TNNI3K: variants seen among roughly 807,000 people sequenced by gnomAD.
TNNI3K encodes TNNI3 interacting kinase.
Under a neutral mutation model 114.5 loss-of-function variants are expected in TNNI3K, and 140 were observed. The ratio of observed to expected loss-of-function variants is 1.22; its 90% CI spans 1.07 to 1.41. The LOEUF (loss-of-function observed/expected upper bound fraction) is 1.41. TNNI3K is among the 40% of genes most tolerant of loss of function. The pLI is 0.00. For synonymous variants in TNNI3K, 347 were observed against 347.5 expected, an observed-to-expected ratio of 1.00 and a Z score of 0.02; for missense variants, 1,125 against 1,007.6, an observed-to-expected ratio of 1.12 and a Z score of -1.58.
At chr1:74,284,000 T>C (rs1356876449) in intron 5 of TNNI3K, among the ~76,000 whole-genome samples, 1 of 152,168 alleles carries the variant, frequency 6.6e-6, no homozygotes, top group Non-Finnish European at 1.5e-5. Flanking sequence ...TCAGAATTTC[T>C]ATAGCTTGTT....
chr1:74,370,705 TA>T, intron 17 of TNNI3K: 1 of 190,822 alleles, frequency 5.2e-6, no homozygotes, highest in Non-Finnish European at 1.1e-5. Flanking sequence ...AAATGGCTAT[TA>T]AAAAAATGAT....
Position 74,367,963 on chromosome 1 carries a change from AG to A in TNNI3K, c.1321+1del. Reference sequence around the variant, plus strand: ...TGGGGAAGATTAAAAGCATGACAAAAGGTACCTATAATCTGGGACAATTGTT... The same window carrying A: ...TGGGGAAGATTAAAAGCATGACAAAAGTACCTATAATCTGGGACAATTGTT... ...PLGKIKSMTKEKADILLLRAG... is the reference protein window; with the variant it reads ...PLGKIKSMTKXKADILLLRAG... On this transcript the variant is annotated frameshift_variant and splice_region_variant, in exon 13 of 25. Coordinates refer to ENST00000326637, the MANE Select transcript of TNNI3K (RefSeq NM_015978.3). LOFTEE classifies it high-confidence loss of function. 6.4e-7 allele frequency: 1 copy of A among 1,562,546 alleles called. No individual in the cohort carries two copies. Among genetic ancestry groups the A allele is most frequent in the East Asian group, 2.4e-5 (1 of 41,844 alleles).
At chr1:74,359,894 TTCTC>T (rs1661864670) in intron 11 of TNNI3K, among the ~76,000 whole-genome samples, 1 of 151,856 alleles carries the variant, frequency 6.6e-6, no homozygotes. Context: ...GTCCTCATGA[TTCTC>T]TTTCTTGTAC....
chr1:74,406,568 CTA>C (rs954091694), intron 17 of TNNI3K, among the ~76,000 whole-genome samples: 17 of 152,114 alleles, frequency 1.1e-4, no homozygotes, highest in Non-Finnish European at 1.2e-4. Flanking sequence ...CCAGAAAGTT[CTA>C]TGTTTTTAAG....
At chr1:74,289,432 G>A (rs1657533940) in intron 5 of TNNI3K, among the ~76,000 whole-genome samples, 1 of 151,780 alleles carries the variant, frequency 6.6e-6, no homozygotes, top group South Asian at 2.1e-4. Flanking sequence ...AGAGTAATGG[G>A]GTTTAAATTT....
chr1:74,374,296 A>T (rs1239122563), intron 17 of TNNI3K: 2 of 151,948 alleles, frequency 1.3e-5, no homozygotes, highest in East Asian at 3.9e-4. Context: ...GATAATGATA[A>T]TACCTACCAT....
intron 11 of TNNI3K, among the ~76,000 whole-genome samples, chr1:74,355,067 A>G (rs1476598131): frequency 3.9e-5 from 6 of 152,212 alleles, no homozygotes; most frequent in Non-Finnish European, 8.8e-5. Context: ...GAAAGAATAT[A>G]TATTGTCTTT....
intron 17 of TNNI3K, among the ~76,000 whole-genome samples, chr1:74,383,699 G>A (rs865869108): frequency 6.6e-6 from 1 of 151,910 alleles, no homozygotes; most frequent in Non-Finnish European, 1.5e-5. Flanking sequence ...AATGACTGGG[G>A]CCTAATAAAA....
chr1:74,243,030 A>C (rs2100833151), intron 2 of TNNI3K, among the ~76,000 whole-genome samples: 1 of 152,290 alleles, frequency 6.6e-6, no homozygotes, highest in South Asian at 2.1e-4. Flanking sequence ...AAAAACAGTA[A>C]AAATAATATC....
chr1:74,244,908 T>C lies in TNNI3K; in HGVS notation c.150-4551T>C, dbSNP rs376960484. On this transcript the variant is annotated intron_variant, in intron 2 of 24. Coordinates refer to ENST00000326637, the MANE Select transcript of TNNI3K (RefSeq NM_015978.3). ...TCCTTTGCATTTTTCATTCTTTGAG[T>C]CTCTCCACTGTTGAAAATGTAGTAA... Among the ~76,000 whole-genome samples the C allele has an allele frequency of 8.5e-5, 13 of 152,138 alleles. No individual in the cohort carries two copies. The East Asian group carries it at 1.9e-3, about 23-fold the overall frequency.
chr1:74,489,313 A>G (rs553518006), intron 22 of TNNI3K, 65 bp downstream of exon 22: 1 of 1,528,686 alleles, frequency 6.5e-7, no homozygotes, highest in African/African-American at 1.4e-5. Flanking sequence ...CTGTCAGGGA[A>G]TGTAGATGAG....
At chr1:74,369,977 A>G (rs1329345248) in intron 16 of TNNI3K, 1 of 233,676 alleles carries the variant, frequency 4.3e-6, no homozygotes, top group African/African-American at 2.3e-5. Flanking sequence ...AGTAATTAGA[A>G]TGTAGTTTCA....
chr1:74,242,959 T>C (rs1190335512), intron 2 of TNNI3K, among the ~76,000 whole-genome samples: 2 of 152,124 alleles, frequency 1.3e-5, no homozygotes, highest in African/African-American at 4.8e-5. Context: ...CTTCTTCTTT[T>C]CCATCCTGTA....
At chr1:74,246,014 T>G (rs1654529088) in intron 2 of TNNI3K, among the ~76,000 whole-genome samples, 1 of 152,220 alleles carries the variant, frequency 6.6e-6, no homozygotes, top group Non-Finnish European at 1.5e-5. Context: ...CAGAATTTCA[T>G]GAAGATAGTT....
intron 17 of TNNI3K, among the ~76,000 whole-genome samples, chr1:74,384,756 ACG>A (rs1663387228): frequency 6.6e-6 from 1 of 152,130 alleles, no homozygotes; most frequent in African/African-American, 2.4e-5. Flanking sequence ...AACAGTGGCA[ACG>A]TTTCCTGAAC....
intron 17 of TNNI3K, among the ~76,000 whole-genome samples, chr1:74,395,407 C>T (rs1664025603): frequency 6.6e-6 from 1 of 152,088 alleles, no homozygotes; most frequent in African/African-American, 2.4e-5. Context: ...AGGTGGCCTG[C>T]TCTGCCCAAG....
intron 17 of TNNI3K, among the ~76,000 whole-genome samples, chr1:74,382,003 C>A (rs1663227354): frequency 6.6e-6 from 1 of 152,194 alleles, no homozygotes; most frequent in Admixed American, 6.5e-5. Flanking sequence ...TGTGGTTAGG[C>A]ACCTTTTCTT....
chr1:74,270,564 C>G (rs1656280979), intron 4 of TNNI3K, among the ~76,000 whole-genome samples: 1 of 151,656 alleles, frequency 6.6e-6, no homozygotes, highest in Non-Finnish European at 1.5e-5. Context: ...AAAGTTTTTT[C>G]ATTTTTTAGA....
intron 20 of TNNI3K, among the ~76,000 whole-genome samples, chr1:74,447,169 A>T (rs1487884748): frequency 6.6e-6 from 1 of 151,366 alleles, no homozygotes; most frequent in African/African-American, 2.4e-5. Flanking sequence ...CTTCCTACCC[A>T]TGAGCATGGA....
Sources: gnomAD v4.1 joint callset for allele counts (sites outside exome capture counted in the v4.1 genomes callset) on GRCh38, gnomAD v4.1.1 for gene constraint, MANE v1.5 for transcripts, NCBI Gene and HGNC (gene_info 2026-07-23, HGNC 2026-07-21) for gene names.